Variants in TMEM132D observed in about 807,000 individuals in gnomAD.
The protein encoded by TMEM132D is mature OL transmembrane protein.
A neutral mutation model predicts 62.3 loss-of-function variants in TMEM132D; 21 were observed. The ratio of observed to expected loss-of-function variants is 0.34; its 90% CI spans 0.24 to 0.49. The LOEUF is 0.49. TMEM132D is among the 20% of genes least tolerant of loss of function. TMEM132D has a pLI of 0.99. For missense variants in TMEM132D, 1,346 were observed against 1,402.8 expected (o/e 0.96, Z 0.65); for synonymous variants, 621 against 575.6 (o/e 1.08, Z -1.13).
At chr12:129,610,035 C>T (rs983832462) in intron 2 of TMEM132D, among the ~76,000 whole-genome samples, 33 of 152,078 alleles carry the variant, frequency 2.2e-4, no homozygotes, top group Non-Finnish European at 2.4e-4. Flanking sequence ...TTTGGGAGAC[C>T]GAGGCAGGAG....
intron 1 of TMEM132D, among the ~76,000 whole-genome samples, chr12:129,713,772 T>C (rs7314134): frequency 0.56 from 85,354 of 152,078 alleles, 24,437 homozygotes; most frequent in South Asian, 0.71. Flanking sequence ...TACATGTGAC[T>C]CATCTACCCA....
intron 1 of TMEM132D, among the ~76,000 whole-genome samples, chr12:129,819,985 T>A (rs1298981323): frequency 1.3e-5 from 2 of 152,056 alleles, no homozygotes; most frequent in Non-Finnish European, 2.9e-5. Flanking sequence ...AAGACGTTTG[T>A]TCATGGCAGC....
chr12:129,532,105 A>T (rs758417002), intron 2 of TMEM132D, among the ~76,000 whole-genome samples: 18 of 152,104 alleles, frequency 1.2e-4, no homozygotes, highest in Admixed American at 2.6e-4. Context: ...AAATGCAAAC[A>T]GTTTGATTTT....
chr12:129,710,816 G>T (rs1881622986), intron 1 of TMEM132D, among the ~76,000 whole-genome samples: 3 of 151,928 alleles, frequency 2.0e-5, no homozygotes, highest in African/African-American at 7.3e-5. Context: ...CCCTTCCGCC[G>T]CCTCCTCTCA....
At chr12:129,453,705 A>C (rs1411410341) in intron 3 of TMEM132D, among the ~76,000 whole-genome samples, 3 of 152,148 alleles carry the variant, frequency 2.0e-5, no homozygotes, top group Non-Finnish European at 4.4e-5. Context: ...CAGGGACTGA[A>C]GATGTCTCTT....
chr12:129,566,107 T>C (rs2137116372), intron 2 of TMEM132D, among the ~76,000 whole-genome samples: 1 of 152,344 alleles, frequency 6.6e-6, no homozygotes. Context: ...GAACACCATT[T>C]TCACTGAAAA....
chr12:129,123,916 C>A (rs1876137630), intron 5 of TMEM132D, among the ~76,000 whole-genome samples: 1 of 152,210 alleles, frequency 6.6e-6, no homozygotes, highest in Non-Finnish European at 1.5e-5. Flanking sequence ...TGTTCTTGGG[C>A]CTTTGGGTTT....
chr12:129,385,528 C>T (rs1408970374), intron 3 of TMEM132D, among the ~76,000 whole-genome samples: 1 of 152,154 alleles, frequency 6.6e-6, no homozygotes, highest in Admixed American at 6.6e-5. Context: ...ACCTCCTGGC[C>T]ACCAACCAGC....
intron 5 of TMEM132D, among the ~76,000 whole-genome samples, chr12:129,143,069 G>A (rs1024440155): frequency 1.3e-5 from 2 of 152,022 alleles, no homozygotes; most frequent in Non-Finnish European, 2.9e-5. Context: ...ATTCAGTTCT[G>A]ACACTGTCTA....
intron 3 of TMEM132D, among the ~76,000 whole-genome samples, chr12:129,445,216 A>T (rs1873061039): frequency 1.3e-5 from 2 of 152,202 alleles, no homozygotes; most frequent in South Asian, 4.1e-4. Flanking sequence ...AGAAACAGAA[A>T]ACCAAATACC....
chr12:129,729,737 T>C (rs1283803292), intron 1 of TMEM132D, among the ~76,000 whole-genome samples: 3 of 152,168 alleles, frequency 2.0e-5, no homozygotes, highest in African/African-American at 7.2e-5. Context: ...ACAAGGAAGT[T>C]GGTTAGGGTG....
At chr12:129,691,934 C>T (rs1881072764) in intron 2 of TMEM132D, among the ~76,000 whole-genome samples, 1 of 151,838 alleles carries the variant, frequency 6.6e-6, no homozygotes, top group African/African-American at 2.4e-5. Context: ...GCATGAATAG[C>T]CCTATCTATT....
chr12:129,703,320 G>A (rs12424777), intron 1 of TMEM132D, among the ~76,000 whole-genome samples: 2,542 of 152,200 alleles, frequency 0.017, 103 homozygotes, highest in East Asian at 0.13. Context: ...AGGCAATCGG[G>A]GTCACTGTGA....
intron 5 of TMEM132D, among the ~76,000 whole-genome samples, chr12:129,205,249 G>C (rs1057466557): frequency 6.6e-6 from 1 of 151,932 alleles, no homozygotes; most frequent in Non-Finnish European, 1.5e-5. Context: ...AGACTTAATG[G>C]TATGCTGTCT....
chr12:129,894,653 G>A (rs1437283412), intron 1 of TMEM132D, among the ~76,000 whole-genome samples: 1 of 152,154 alleles, frequency 6.6e-6, no homozygotes, highest in African/African-American at 2.4e-5. Context: ...ATTCATGAGT[G>A]CTCCTGGCCT....
chr12:129,444,190 C>T (rs540530429), intron 3 of TMEM132D, among the ~76,000 whole-genome samples: 14 of 152,266 alleles, frequency 9.2e-5, no homozygotes, highest in African/African-American at 2.9e-4. Flanking sequence ...CCATTCAGGA[C>T]ATAGGCACAG....
intron 1 of TMEM132D, among the ~76,000 whole-genome samples, chr12:129,764,553 C>T (rs568534388): frequency 5.3e-5 from 8 of 150,750 alleles, no homozygotes; most frequent in African/African-American, 7.3e-5. Flanking sequence ...AATGCTATTA[C>T]GTGTGTGTGC....
chr12:129,787,643 T>C (rs1871280377), intron 1 of TMEM132D, among the ~76,000 whole-genome samples: 1 of 152,088 alleles, frequency 6.6e-6, no homozygotes, highest in South Asian at 2.1e-4. Context: ...ATCCCAGAGG[T>C]GTCTGGCAAA....
intron 3 of TMEM132D, among the ~76,000 whole-genome samples, chr12:129,420,512 G>C (rs574441822): frequency 6.6e-6 from 1 of 152,078 alleles, no homozygotes; most frequent in African/African-American, 2.4e-5. Flanking sequence ...AACAGCAGGG[G>C]AAAAATTCTA....
Sources: allele counts gnomAD v4.1 joint callset (sites outside exome capture counted in the v4.1 genomes callset), GRCh38; gene constraint gnomAD v4.1.1; transcripts MANE v1.5; gene names NCBI Gene and HGNC (gene_info 2026-07-23, HGNC 2026-07-21).